Variants in XXYLT1 observed in about 807,000 individuals in gnomAD.
The protein encoded by XXYLT1 is xyloside xylosyltransferase 1, also known as UDP-xylose:alpha-xyloside alpha-1,3-xylosyltransferase.
A neutral mutation model predicts 28.9 loss-of-function variants in XXYLT1; 20 were observed. The observed-to-expected ratio is 0.69, with a 90% CI of 0.49 to 1.00. The LOEUF (loss-of-function observed/expected upper bound fraction) is 1.00, where lower values mean the gene tolerates loss of function less well. XXYLT1 is among the 50% of genes least tolerant of loss of function. The pLI, the probability that XXYLT1 is intolerant of heterozygous loss-of-function variation, is 0.00. For synonymous variants in XXYLT1, 257 were observed against 253.8 expected (o/e 1.01, Z -0.12); for missense variants, 542 against 560.1 (o/e 0.97, Z 0.33).
chr3:195,267,882 G>A (rs1487850071), intron 1 of XXYLT1, among the ~76,000 whole-genome samples: 1 of 152,160 alleles, frequency 6.6e-6, no homozygotes, highest in Non-Finnish European at 1.5e-5. Context: ...CAAACCTGAG[G>A]AAGAATTAAA....
At chr3:195,144,530 C>A (rs936450905) in intron 3 of XXYLT1, among the ~76,000 whole-genome samples, 5 of 152,032 alleles carry the variant, frequency 3.3e-5, no homozygotes, top group Non-Finnish European at 5.9e-5. Context: ...GCACGTGCCA[C>A]CACACTTGGC....
intron 3 of XXYLT1, among the ~76,000 whole-genome samples, chr3:195,123,588 G>A (rs907940727): frequency 1.3e-5 from 2 of 152,160 alleles, no homozygotes; most frequent in African/African-American, 4.8e-5. Flanking sequence ...ATTATTAATG[G>A]GACTCTGAAC....
chr3:195,098,108 C>T (rs946952548), intron 3 of XXYLT1, among the ~76,000 whole-genome samples: 4 of 152,202 alleles, frequency 2.6e-5, no homozygotes, highest in African/African-American at 9.6e-5. Context: ...CGCTCACAGG[C>T]AGGTTAGAGC....
At chr3:195,191,616 C>A (rs1486185577) in intron 2 of XXYLT1, among the ~76,000 whole-genome samples, 6 of 152,168 alleles carry the variant, frequency 3.9e-5, no homozygotes, top group Admixed American at 1.3e-4. Context: ...CATAAACTAT[C>A]TACAAAGGAC....
chr3:195,100,646 C>A (rs1426590252), intron 3 of XXYLT1, among the ~76,000 whole-genome samples: 1 of 152,156 alleles, frequency 6.6e-6, no homozygotes, highest in Non-Finnish European at 1.5e-5. Context: ...TGGGCCTACA[C>A]ACGCTACCCT....
In XXYLT1 at chr3:195,173,462, G is replaced by T. The variant is rs1363133031; in HGVS notation, c.653-16881C>A. Among the ~76,000 whole-genome samples the T allele has an allele frequency of 6.6e-6, 1 of 152,192 alleles. No individual in the cohort carries two copies. The highest frequency in any genetic ancestry group is 1.5e-5 in the Non-Finnish European group (1 of 68,034). ...ATTCTGGTTCATATAAGACTGGGCG[G>T]AAGAACAGCTCCCAGCACAGCCTTG... is the stretch of plus-strand genomic sequence containing the variant. On this transcript the variant is annotated intron_variant, in intron 2 of 3. Coordinates refer to ENST00000310380, the MANE Select transcript of XXYLT1 (RefSeq NM_152531.5). This position sits in a 1 kb window ranked among gnomAD's most constrained non-coding sequence, Gnocchi z 4.3.
intron 1 of XXYLT1, among the ~76,000 whole-genome samples, chr3:195,260,802 G>C (rs1318514281): frequency 6.6e-6 from 1 of 152,230 alleles, no homozygotes. Flanking sequence ...ACTACGCCCA[G>C]AGCTTCCTTC....
rs574604682 is a variant in XXYLT1 at position 195,115,055 on chromosome 3, C to T, written c.785+41394G>A. ...GGTTGCACAGTTGGCTCCTCCCAAACCTCCCGTTGATCCTCCTCCTATTGA... is the reference window on the plus strand; with the variant it reads ...GGTTGCACAGTTGGCTCCTCCCAAATCTCCCGTTGATCCTCCTCCTATTGA... On this transcript the variant is annotated intron_variant, in intron 3 of 3. Coordinates refer to ENST00000310380, the MANE Select transcript of XXYLT1 (RefSeq NM_152531.5). The surrounding 1 kb of genome is among the most constrained non-coding windows in gnomAD (Gnocchi z 4.2). Among the ~76,000 whole-genome samples, 56 of 152,362 alleles carry T rather than the reference C, an allele frequency of 3.7e-4. No homozygotes were observed. Among genetic ancestry groups the T allele is most frequent in the African/African-American group, 1.3e-3 (55 of 41,588 alleles).
intron 3 of XXYLT1, among the ~76,000 whole-genome samples, chr3:195,131,327 G>C (rs992915655): frequency 9.9e-5 from 15 of 152,234 alleles, no homozygotes; most frequent in Non-Finnish European, 2.9e-5. Flanking sequence ...CCTGAAAGGC[G>C]GGTGGATTTT....
chr3:195,249,305 T>C (rs1401377226), intron 1 of XXYLT1, among the ~76,000 whole-genome samples: 1 of 152,190 alleles, frequency 6.6e-6, no homozygotes, highest in Non-Finnish European at 1.5e-5. Flanking sequence ...CAGGCGATGT[T>C]CAGGATCTGG....
At chr3:195,215,932 C>T (rs1723553131) in intron 2 of XXYLT1, among the ~76,000 whole-genome samples, 1 of 152,076 alleles carries the variant, frequency 6.6e-6, no homozygotes, top group Non-Finnish European at 1.5e-5. Context: ...GTAAAGCTCT[C>T]CTCAGCAAAT....
intron 2 of XXYLT1, among the ~76,000 whole-genome samples, chr3:195,204,381 TCATCTTAAG>T (rs1198396315): frequency 6.6e-6 from 1 of 150,436 alleles, no homozygotes; most frequent in Non-Finnish European, 1.5e-5. Context: ...AAAACTACCA[TCATCTTAAG>T]CAAAGCTGGC....
intron 1 of XXYLT1, among the ~76,000 whole-genome samples, chr3:195,241,009 A>C (rs971549626): frequency 1.3e-5 from 2 of 152,268 alleles, no homozygotes; most frequent in African/African-American, 2.4e-5. Context: ...TTAATGTATC[A>C]GAAAAGTCAC....
At chr3:195,225,237 G>T (rs968202240) in intron 2 of XXYLT1, among the ~76,000 whole-genome samples, 1 of 152,150 alleles carries the variant, frequency 6.6e-6, no homozygotes, top group Admixed American at 6.5e-5. Context: ...CGGTGAGCTC[G>T]TCTCCTCTCT....
chr3:195,156,617 A>C (rs771982972), intron 2 of XXYLT1, 36 bp from the exon 3 acceptor site: 1 of 1,611,342 alleles, frequency 6.2e-7, no homozygotes, highest in Admixed American at 1.7e-5. Flanking sequence ...AGACACAGGT[A>C]CACCTCCTGG....
chr3:195,254,486 C>T (rs771140654), intron 1 of XXYLT1, among the ~76,000 whole-genome samples: 4 of 152,238 alleles, frequency 2.6e-5, no homozygotes, highest in Admixed American at 6.5e-5. Flanking sequence ...AGCACGTCCA[C>T]GGGGCATAAT....
At chr3:195,172,107 T>C (rs1444556131) in intron 2 of XXYLT1, among the ~76,000 whole-genome samples, 1 of 152,204 alleles carries the variant, frequency 6.6e-6, no homozygotes, top group Non-Finnish European at 1.5e-5. Flanking sequence ...ACCATCATGA[T>C]GGTTGGTAAC....
intron 1 of XXYLT1, among the ~76,000 whole-genome samples, chr3:195,243,266 G>A (rs1577189448): frequency 6.6e-6 from 1 of 151,642 alleles, no homozygotes; most frequent in African/African-American, 2.4e-5. Context: ...TGTAAATGAC[G>A]AGTTAATGGG....
intron 2 of XXYLT1, among the ~76,000 whole-genome samples, chr3:195,164,055 TG>T (rs776515955): frequency 6.6e-6 from 1 of 152,252 alleles, no homozygotes; most frequent in Non-Finnish European, 1.5e-5. Flanking sequence ...CATTCTTTTA[TG>T]GGCAAAAGGT....
Sources: allele counts gnomAD v4.1 joint callset (sites outside exome capture counted in the v4.1 genomes callset), GRCh38; gene constraint gnomAD v4.1.1; non-coding constraint Gnocchi (gnomAD v3.1); transcripts MANE v1.5; gene names NCBI Gene and HGNC (gene_info 2026-07-23, HGNC 2026-07-21).